GATA4: variants seen among roughly 807,000 people sequenced by gnomAD.
GATA4 encodes the protein GATA binding protein 4.
In GATA4, 7 loss-of-function variants were observed where a neutral mutation model predicts 37.9. That is an observed-to-expected ratio of 0.18 (90% CI 0.11 to 0.35). The LOEUF (loss-of-function observed/expected upper bound fraction) is 0.35. Among genes scored for constraint, GATA4 ranks in the 10% least tolerant of loss-of-function variants. The pLI is 1.00. For synonymous variants in GATA4, 372 were observed against 292.6 expected (o/e 1.27, Z -2.77); for missense variants, 647 against 653.0 (o/e 0.99, Z 0.10).
At position 11,693,562 on chromosome 8, in the gene GATA4, C is replaced by CACACAGAG. The variant is rs1405047773; in HGVS notation, c.-729+903_-729+904insCACAGAGA. ...ACACACACACACACACACACACACA[C>CACACAGAG]AGAGAGAGAGAGAGAGAGAGAGAGA... is the stretch of plus-strand genomic sequence containing the variant. On this transcript the variant is annotated intron_variant, in intron 1 of 2. Transcript: ENST00000526974. 7.2e-4 allele frequency among the ~76,000 whole-genome samples: 52 copies of CACACAGAG among 72,226 alleles called. 1 individual carries two copies. The highest frequency in any genetic ancestry group is 1.8e-3 in the African/African-American group (35 of 19,854). The allele number at this position is 72,226 out of a possible 152,430, so 47.4% of individuals were successfully genotyped here.
At chr8:11,756,131 G>A (rs538330141) in intron 5 of GATA4, among the ~76,000 whole-genome samples, 5 of 151,994 alleles carry the variant, frequency 3.3e-5, no homozygotes, top group Admixed American at 6.6e-5. Flanking sequence ...TTGACTGGTC[G>A]GTGCTGCAGT....
At chr8:11,679,179 CG>C (rs965239800) in intron 1 of GATA4, among the ~76,000 whole-genome samples, 1 of 120,802 alleles carries the variant, frequency 8.3e-6, no homozygotes, top group Non-Finnish European at 1.7e-5. Context: ...CGAATAATTG[CG>C]GGGGGGGGCA....
At position 11,707,233 on chromosome 8, in the gene GATA4, T is replaced by C. The variant is rs1468055689; in HGVS notation, c.-457-623T>C. On this transcript the variant is annotated intron_variant, in intron 1 of 6. Coordinates refer to ENST00000532059, the MANE Select transcript of GATA4 (RefSeq NM_001308093.3). This position sits in a 1 kb window ranked among gnomAD's most constrained non-coding sequence, Gnocchi z 4.7. ...TCCGATTTGACGTCCACATGGTTAG[T>C]GTATGGATGAGGGTTTCAGAACCCT... is the stretch of plus-strand genomic sequence containing the variant. 6.6e-6 allele frequency among the ~76,000 whole-genome samples: 1 copy of C among 152,132 alleles called. No homozygotes were observed. Among genetic ancestry groups the C allele is most frequent in the Non-Finnish European group, 1.5e-5 (1 of 68,026 alleles).
chr8:11,678,708 G>C (rs1362198764), intron 1 of GATA4, among the ~76,000 whole-genome samples: 4 of 152,124 alleles, frequency 2.6e-5, no homozygotes, highest in Non-Finnish European at 5.9e-5. Flanking sequence ...GTTTCTGCTG[G>C]TCTCATTTTG....
intron 2 of GATA4, among the ~76,000 whole-genome samples, chr8:11,725,458 G>C (rs925380659): frequency 6.6e-6 from 1 of 152,262 alleles, no homozygotes; most frequent in Non-Finnish European, 1.5e-5. Flanking sequence ...CCGGGCACAC[G>C]CTGGGAAGTG....
intron 1 of GATA4, among the ~76,000 whole-genome samples, chr8:11,680,200 C>T (rs889289372): frequency 6.6e-6 from 1 of 152,196 alleles, no homozygotes; most frequent in African/African-American, 2.4e-5. Flanking sequence ...GCTTAACGTC[C>T]GGAATGTCCC....
intron 2 of GATA4, among the ~76,000 whole-genome samples, chr8:11,740,162 G>T (rs1801657472): frequency 6.6e-6 from 1 of 152,166 alleles, no homozygotes; most frequent in Non-Finnish European, 1.5e-5. Flanking sequence ...CCAATGCGTT[G>T]TCCTGGCCTC....
At chr8:11,690,371 G>A (rs1192315616), upstream of GATA4, among the ~76,000 whole-genome samples, 1 of 152,198 alleles carries the variant, frequency 6.6e-6, no homozygotes, top group Non-Finnish European at 1.5e-5. Context: ...TCTACTATAT[G>A]TTAGAAACTG....
At chr8:11,746,482 G>A (rs140888558) in intron 2 of GATA4, among the ~76,000 whole-genome samples, 25 of 152,342 alleles carry the variant, frequency 1.6e-4, no homozygotes, top group African/African-American at 5.8e-4. Flanking sequence ...GCTAGACCGC[G>A]TGTCTTGGTT....
chr8:11,755,282 A>T (rs1802500131), intron 5 of GATA4, 149 bp downstream of exon 5: 1 of 674,568 alleles, frequency 1.5e-6, no homozygotes, highest in Non-Finnish European at 2.6e-6. Context: ...GGACAGGATG[A>T]AGAGCCCAGC....
upstream of GATA4, among the ~76,000 whole-genome samples, chr8:11,702,528 CCG>C (rs1799714054): frequency 6.6e-6 from 1 of 151,296 alleles, no homozygotes; most frequent in African/African-American, 2.4e-5. This position sits in a 1 kb window ranked among gnomAD's most constrained non-coding sequence, Gnocchi z 4.4. Flanking sequence ...GCTTCCTTCT[CCG>C]CTGAGTCCGA....
chr8:11,690,187 T>G (rs1470447740), upstream of GATA4, among the ~76,000 whole-genome samples: 2 of 152,182 alleles, frequency 1.3e-5, no homozygotes, highest in Non-Finnish European at 2.9e-5. Flanking sequence ...CGTGGCATCT[T>G]CCGCACATGA....
chr8:11,748,135 G>A (rs754242239), intron 2 of GATA4, among the ~76,000 whole-genome samples: 4 of 152,144 alleles, frequency 2.6e-5, no homozygotes, highest in Admixed American at 6.5e-5. Flanking sequence ...GGAGAATCGC[G>A]TGAACGTGGG....
chr8:11,703,089 GGGTTTC>G (rs1799740138), upstream of GATA4, among the ~76,000 whole-genome samples: 1 of 152,102 alleles, frequency 6.6e-6, no homozygotes, highest in Non-Finnish European at 1.5e-5. Flanking sequence ...GGAGCAGCAC[GGGTTTC>G]GTGCAGGGTG....
chr8:11,692,297 A>G (rs567640868), upstream of GATA4, among the ~76,000 whole-genome samples: 4 of 152,358 alleles, frequency 2.6e-5, no homozygotes, highest in South Asian at 2.1e-4. Flanking sequence ...AAGCACAGCA[A>G]TGACAGTGTG....
intron 2 of GATA4, among the ~76,000 whole-genome samples, chr8:11,742,278 C>G (rs1210315866): frequency 1.3e-5 from 2 of 152,140 alleles, no homozygotes; most frequent in Non-Finnish European, 2.9e-5. Context: ...TGTAAAACCT[C>G]TTTGCATATG....
chr8:11,708,425 A>T lies in GATA4; in HGVS notation c.113A>T (p.Tyr38Phe). Reference protein sequence around the residue: ...HGAGAASSPVYVPTPRVPSSV... With the variant: ...HGAGAASSPVFVPTPRVPSSV... ...GCGGGCGCCGCGTCCTCGCCAGTCTACGTGCCCACACCGCGGGTGCCCTCC... is the reference window on the plus strand; with the variant it reads ...GCGGGCGCCGCGTCCTCGCCAGTCTTCGTGCCCACACCGCGGGTGCCCTCC... The change falls in exon 2 of 7, where the codon TAC (tyrosine) becomes TTC (phenylalanine). Residue 38 changes from tyrosine (Y) to phenylalanine (F), a missense_variant. Tyr to Phe is a conservative substitution (Grantham distance 22). Transcript: ENST00000532059. The surrounding 1 kb of genome is among the most constrained non-coding windows in gnomAD (Gnocchi z 6.7). The T allele has an allele frequency of 6.5e-7, 1 of 1,535,892 alleles. No homozygotes were observed.
chr8:11,732,332 G>A (rs1801250610), intron 2 of GATA4, among the ~76,000 whole-genome samples: 1 of 152,172 alleles, frequency 6.6e-6, no homozygotes, highest in African/African-American at 2.4e-5. Context: ...TTCTCCAGGG[G>A]CACTGATTTC....
upstream of GATA4, among the ~76,000 whole-genome samples, chr8:11,687,695 C>G (rs1799182758): frequency 1.3e-5 from 2 of 152,202 alleles, no homozygotes; most frequent in Admixed American, 6.5e-5. Flanking sequence ...CTTGCTCTAA[C>G]TACCAAGTGC....
Sources: allele counts gnomAD v4.1 joint callset (sites outside exome capture counted in the v4.1 genomes callset), GRCh38; gene constraint gnomAD v4.1.1; non-coding constraint Gnocchi (gnomAD v3.1); transcripts MANE v1.5; gene names NCBI Gene and HGNC (gene_info 2026-07-23, HGNC 2026-07-21).